The following MTCL2 variants were observed in gnomAD, a reference collection of about 807,000 sequenced individuals.
The protein encoded by MTCL2 is microtubule crosslinking factor 2, also known as microtubule cross-linking factor 2.
At chr20:36,804,142 G>C in the MTCL2 span, among the ~76,000 whole-genome samples, 42,907 of 151,928 alleles carry the variant, frequency 0.28, 6,535 homozygotes, top group Middle Eastern at 0.37. Context: ...CTGCCTCCCA[G>C]AGGCTGCTGA....
chr20:36,845,907 G>T, the MTCL2 span, among the ~76,000 whole-genome samples: 1 of 152,238 alleles, frequency 6.6e-6, no homozygotes, highest in Non-Finnish European at 1.5e-5. Context: ...CAGCTCAGTG[G>T]TTCTGAAGAG....
chr20:36,779,829 G>T, the MTCL2 span: 1 of 152,282 alleles, frequency 6.6e-6, no homozygotes, highest in African/African-American at 2.4e-5. Flanking sequence ...GAGGACTGAG[G>T]GCTGAATACT....
chr20:36,858,329 CA>C, the MTCL2 span, among the ~76,000 whole-genome samples: 2 of 122,776 alleles, frequency 1.6e-5, no homozygotes, highest in African/African-American at 6.3e-5. Flanking sequence ...CACACACACA[CA>C]CACACACACA....
At chr20:36,808,757 A>G in the MTCL2 span, 1 of 1,563,890 alleles carries the variant, frequency 6.4e-7, no homozygotes, top group Non-Finnish European at 8.6e-7. Context: ...CCGGGGGACA[A>G]GAGCTTGAGC....
At chr20:36,824,490 T>A in the MTCL2 span, among the ~76,000 whole-genome samples, 1 of 150,994 alleles carries the variant, frequency 6.6e-6, no homozygotes, top group African/African-American at 2.4e-5. Flanking sequence ...GAGTGGTTGC[T>A]GGGGGCAAGA....
the MTCL2 span, chr20:36,802,823 G>C: frequency 6.4e-7 from 1 of 1,569,546 alleles, no homozygotes; most frequent in African/African-American, 1.3e-5. Flanking sequence ...TCTCCCTTGC[G>C]GGTGGAAGCG....
chr20:36,841,874 G>GGGGGT, the MTCL2 span, among the ~76,000 whole-genome samples: 136 of 110,864 alleles, frequency 1.2e-3, 1 homozygote, highest in African/African-American at 4.0e-3. Flanking sequence ...TGGGGGGTGG[G>GGGGGT]GTGTGTGTGT....
chr20:36,807,080 G>A, the MTCL2 span, among the ~76,000 whole-genome samples: 1 of 152,316 alleles, frequency 6.6e-6, no homozygotes, highest in African/African-American at 2.4e-5. Context: ...CGGACAGGAG[G>A]ACCGAGGCGA....
chr20:36,847,062 C>T, the MTCL2 span, among the ~76,000 whole-genome samples: 2 of 152,188 alleles, frequency 1.3e-5, no homozygotes, highest in Admixed American at 1.3e-4. Flanking sequence ...ACCAGGCCCC[C>T]GCACAGGCAG....
chr20:36,808,860 G>T, the MTCL2 span: 1 of 859,160 alleles, frequency 1.2e-6, no homozygotes, highest in Non-Finnish European at 1.8e-6. Context: ...AGTGATCCCT[G>T]CCGGGGATCC....
the MTCL2 span, chr20:36,779,305 G>C: frequency 1.3e-5 from 2 of 152,466 alleles, no homozygotes; most frequent in African/African-American, 4.8e-5. Flanking sequence ...GAGGATGGTT[G>C]GATACTGAAT....
the MTCL2 span, among the ~76,000 whole-genome samples, chr20:36,851,954 A>C: frequency 6.6e-6 from 1 of 152,164 alleles, no homozygotes; most frequent in Non-Finnish European, 1.5e-5. Context: ...CTGTGAAGCT[A>C]ATGCCCATGG....
the MTCL2 span, among the ~76,000 whole-genome samples, chr20:36,797,133 G>A: frequency 6.6e-6 from 1 of 152,108 alleles, no homozygotes; most frequent in Non-Finnish European, 1.5e-5. Context: ...CCCACCATAT[G>A]TGATCCAGGC....
chr20:36,806,358 C>G, the MTCL2 span, among the ~76,000 whole-genome samples: 4 of 152,258 alleles, frequency 2.6e-5, no homozygotes, highest in African/African-American at 9.6e-5. Flanking sequence ...GAGCGAGTCA[C>G]CTTCTGTGCT....
chr20:36,789,408 T>C, the MTCL2 span, among the ~76,000 whole-genome samples: 703 of 152,310 alleles, frequency 4.6e-3, 8 homozygotes, highest in African/African-American at 0.016. Context: ...ACGTCTGTTA[T>C]CCCACCACTT....
chr20:36,859,683 T>G, the MTCL2 span: 8 of 1,231,638 alleles, frequency 6.5e-6, no homozygotes, highest in Admixed American at 3.0e-4. Flanking sequence ...ATCACAGTCC[T>G]TCGCAGTTGA....
chr20:36,810,233 C>T, the MTCL2 span: 1 of 1,173,706 alleles, frequency 8.5e-7, no homozygotes, highest in Non-Finnish European at 1.2e-6. Flanking sequence ...TGTCCAAATA[C>T]AAATCAGGCA....
chr20:36,849,768 T>C, the MTCL2 span, among the ~76,000 whole-genome samples: 1 of 152,160 alleles, frequency 6.6e-6, no homozygotes, highest in African/African-American at 2.4e-5. Flanking sequence ...AAGTTTAGAT[T>C]TGGGGCCCAC....
the MTCL2 span, among the ~76,000 whole-genome samples, chr20:36,817,686 G>A: frequency 1.3e-5 from 2 of 152,144 alleles, no homozygotes; most frequent in Non-Finnish European, 2.9e-5. Context: ...TGGAGAAGAT[G>A]ATTCTAAAAA....
Sources: allele counts gnomAD v4.1 joint callset (sites outside exome capture counted in the v4.1 genomes callset), GRCh38; gene constraint gnomAD v4.1.1; transcripts MANE v1.5; gene names NCBI Gene and HGNC (gene_info 2026-07-23, HGNC 2026-07-21).